The following INO80 variants were observed in gnomAD, a reference collection of about 807,000 sequenced individuals.
INO80 encodes the protein chromatin-remodeling ATPase INO80.
A neutral mutation model predicts 203.4 loss-of-function variants in INO80; 20 were observed. The observed-to-expected ratio is 0.10, with a 90% confidence interval of 0.07 to 0.14. The LOEUF is 0.14. Ranked by LOEUF, INO80 falls within the 10% of genes least tolerant of loss-of-function variation. INO80 has a pLI of 1.00. For synonymous variants in INO80, 726 were observed against 685.2 expected (o/e 1.06, Z -0.93); for missense variants, 1,419 against 1,914.4 (o/e 0.74, Z 4.83).
intron 5 of INO80, 84 bp from the exon 6 acceptor site, chr15:41,087,766 G>T: frequency 7.3e-7 from 1 of 1,367,972 alleles, no homozygotes. Flanking sequence ...TAAGCCAGAG[G>T]AAATCATAGC....
intron 10 of INO80, 33 bp from the exon 11 acceptor site, chr15:41,073,528 T>C: frequency 6.6e-7 from 1 of 1,518,528 alleles, no homozygotes. Flanking sequence ...TATCACACTT[T>C]ATCAACTGAT....
intron 24 of INO80, among the ~76,000 whole-genome samples, chr15:41,040,874 A>G (rs977424121): frequency 1.3e-5 from 2 of 152,194 alleles, no homozygotes; most frequent in African/African-American, 4.8e-5. Context: ...TACAAATCAT[A>G]AGAAAAATAC....
chr15:41,071,077 G>C lies in INO80; in HGVS notation c.1606-530C>G, dbSNP rs185778503. 2.7e-3 allele frequency among the ~76,000 whole-genome samples: 409 copies of C among 152,280 alleles called. 3 individuals carry two copies. The highest frequency in any genetic ancestry group is 0.013 in the South Asian group (62 of 4,830). On this transcript the variant is annotated intron_variant, in intron 12 of 35. Transcript: ENST00000648947. ...CCAGCTATTCTGGGGGCTGAGGCAG[G>C]AGGGTCACTTGAGCCCAGGAGTTTA...
In INO80 at chr15:41,102,045, G is replaced by T. The variant is rs146629584; in HGVS notation, c.-43-5692C>A. ...CCTTTACTAAAAATACAAAAAAGTA[G>T]CTGGGCTTGGTGGCACGCACCTGTA... On this transcript the variant is annotated intron_variant, in intron 1 of 35. Transcript: ENST00000648947. 5.6e-3 allele frequency among the ~76,000 whole-genome samples: 856 copies of T among 152,114 alleles called. 10 individuals are homozygous for T. Among genetic ancestry groups the T allele is most frequent in the Non-Finnish European group, 6.9e-3 (472 of 67,988 alleles).
rs1239452437 is a variant in INO80, at chr15:41,058,758, G to A, written c.1866C>T (p.Ala622=). 6.2e-7 allele frequency: 1 copy of A among 1,613,602 alleles called. No homozygotes were observed. Among genetic ancestry groups the A allele is most frequent in the South Asian group, 1.1e-5 (1 of 91,022 alleles). ...AGCTGGTAATAACCACATGGAAGGG[G>A]GCATCCTGAGTGTAGAGGGTCTTCT... ...WSQKTLYTQD[A]PFHVVITSYQ... The change falls in exon 16 of 36, where the codon GCC becomes GCT. Residue 622 remains alanine (A), a synonymous_variant. Transcript: ENST00000648947.
intron 5 of INO80, among the ~76,000 whole-genome samples, chr15:41,090,479 A>T (rs1467876598): frequency 6.6e-6 from 1 of 152,110 alleles, no homozygotes; most frequent in Non-Finnish European, 1.5e-5. Flanking sequence ...CAGCAGGCTG[A>T]GCAGGAGAAT....
Position 41,103,551 on chromosome 15 carries a change from G to A in INO80, c.-43-7198C>T, listed in dbSNP as rs565714140. 5.3e-4 allele frequency among the ~76,000 whole-genome samples: 81 copies of A among 152,088 alleles called. 2 individuals carry two copies. The highest frequency in any genetic ancestry group is 1.9e-3 in the African/African-American group (78 of 41,518). ...ATTAGAGGCGCCCGCCACCACGCCC[G>A]GCTAATTTTTCCTATTTTCAGTAGA... On this transcript the variant is annotated intron_variant, in intron 1 of 35. Transcript: ENST00000648947.
intron 27 of INO80, among the ~76,000 whole-genome samples, chr15:41,010,435 GGTATATA>G (rs2044117039): frequency 6.6e-6 from 1 of 150,950 alleles, no homozygotes. Context: ...AATTTTCATG[GGTATATA>G]GTAAGGGTAG....
chr15:41,053,882 A>G (rs200694171), intron 19 of INO80, 47 bp downstream of exon 19: 72 of 1,398,094 alleles, frequency 5.1e-5, no homozygotes, highest in Non-Finnish European at 6.3e-5. Flanking sequence ...TGGAATCTTA[A>G]GTTGGTGCCT....
intron 29 of INO80, among the ~76,000 whole-genome samples, chr15:40,995,361 C>G (rs1422381497): frequency 6.6e-6 from 1 of 152,118 alleles, no homozygotes; most frequent in African/African-American, 2.4e-5. Flanking sequence ...GCTGAGGGAA[C>G]AGTTTATCCA....
intron 14 of INO80, 62 bp downstream of exon 14, chr15:41,069,508 A>G: frequency 1.0e-6 from 1 of 1,002,756 alleles, no homozygotes; most frequent in Non-Finnish European, 1.5e-6. Flanking sequence ...TAGGGCAAGA[A>G]AAGGAGAGTC....
chr15:41,051,057 A>C (rs2044860161), intron 19 of INO80, among the ~76,000 whole-genome samples: 1 of 144,998 alleles, frequency 6.9e-6, no homozygotes, highest in South Asian at 2.3e-4. Flanking sequence ...TGAACCCGGG[A>C]GGCAGAAGTT....
At chr15:40,984,151 G>T in intron 33 of INO80, 46 bp downstream of exon 33, 1 of 1,597,430 alleles carries the variant, frequency 6.3e-7, no homozygotes, top group Non-Finnish European at 8.6e-7. Context: ...TACACGGTCA[G>T]GACACTCCTT....
At chr15:41,114,951 G>A (rs2046008569) in intron 1 of INO80, among the ~76,000 whole-genome samples, 1 of 152,054 alleles carries the variant, frequency 6.6e-6, no homozygotes, top group Non-Finnish European at 1.5e-5. Context: ...GTGGTTGATG[G>A]CTACAGAATT....
rs1177984453 is a variant in INO80 at position 40,980,067 on chromosome 15, T to G, written c.*156A>C. On this transcript the variant is annotated 3_prime_UTR_variant, in exon 36 of 36. Coordinates refer to ENST00000648947, the MANE Select transcript of INO80 (RefSeq NM_017553.3). ...CCTGATGAGACACAGATGATAAAAGTGCTCACACCATCCACCTGCCTGTCC... is the reference window on the plus strand; with the variant it reads ...CCTGATGAGACACAGATGATAAAAGGGCTCACACCATCCACCTGCCTGTCC... The G allele has an allele frequency of 9.1e-6, 6 of 661,246 alleles. No homozygotes were observed. The highest frequency in any genetic ancestry group is 1.8e-5 in the African/African-American group (1 of 55,344). The allele number at this position is 661,246 out of a possible 1,614,324, so 41.0% of individuals were successfully genotyped here. A position where few individuals can be genotyped will look rare whatever the true frequency, so the allele number is the denominator to read the frequency against.
chr15:41,069,922 C>T (rs975796993), intron 13 of INO80, among the ~76,000 whole-genome samples: 3 of 152,192 alleles, frequency 2.0e-5, no homozygotes, highest in Non-Finnish European at 4.4e-5. Context: ...GCATTCATGA[C>T]ACACTGACTT....
At chr15:41,095,035 C>CAAAAAAAA (rs35436731) in intron 4 of INO80, among the ~76,000 whole-genome samples, 1 of 144,238 alleles carries the variant, frequency 6.9e-6, no homozygotes. Context: ...TGCAAATATT[C>CAAAAAAAA]AAAAAAAAAA....
At chr15:41,093,783 T>C (rs913259205) in intron 4 of INO80, among the ~76,000 whole-genome samples, 1 of 152,032 alleles carries the variant, frequency 6.6e-6, no homozygotes, top group Non-Finnish European at 1.5e-5. Flanking sequence ...AGGTCGAAGC[T>C]GCACTAAGCT....
intron 24 of INO80, among the ~76,000 whole-genome samples, chr15:41,040,262 A>C (rs1361119580): frequency 6.6e-6 from 1 of 152,236 alleles, no homozygotes; most frequent in Non-Finnish European, 1.5e-5. Context: ...CGAAGGGCTA[A>C]GAACAGCCAA....
Sources: gnomAD v4.1 joint callset for allele counts (sites outside exome capture counted in the v4.1 genomes callset) on GRCh38, gnomAD v4.1.1 for gene constraint, MANE v1.5 for transcripts, NCBI Gene and HGNC (gene_info 2026-07-23, HGNC 2026-07-21) for gene names.